RBFOX1: variants seen among roughly 807,000 people sequenced by gnomAD.
The protein encoded by RBFOX1 is RNA binding fox-1 homolog 1.
Under a neutral mutation model 57.7 loss-of-function variants are expected in RBFOX1, and 8 were observed. The observed-to-expected ratio is 0.14, with a 90% confidence interval of 0.08 to 0.25. The LOEUF (loss-of-function observed/expected upper bound fraction) is 0.25, where lower values mean the gene tolerates loss of function less well. Among genes scored for constraint, RBFOX1 ranks in the 10% least tolerant of loss-of-function variants. The pLI is 1.00. For missense variants in RBFOX1, 611 were observed against 548.5 expected (o/e 1.11, Z -1.14); for synonymous variants, 326 against 222.4 (o/e 1.47, Z -4.15).
rs1201696505 is a variant in RBFOX1 at position 5,829,882 on chromosome 16, G to A, written c.319-37421G>A. Reference sequence around the variant, plus strand: ...GAAACAAAAACAGGGGGGAAGAAAAGGCCTTTGGTTTTTTTTTCCCCTTAG... The same window carrying A: ...GAAACAAAAACAGGGGGGAAGAAAAAGCCTTTGGTTTTTTTTTCCCCTTAG... On this transcript the variant is annotated intron_variant, in intron 3 of 19. Coordinates refer to the RBFOX1 transcript ENST00000641259. 2.0e-5 allele frequency among the ~76,000 whole-genome samples: 3 copies of A among 152,140 alleles called. No individual in the cohort carries two copies. In the South Asian group the frequency reaches 6.2e-4, roughly 31 times the overall value.
intron 3 of RBFOX1, among the ~76,000 whole-genome samples, chr16:5,771,750 A>G (rs561102477): frequency 2.0e-4 from 30 of 152,188 alleles, no homozygotes; most frequent in Non-Finnish European, 3.8e-4. Context: ...AAAATGTCCA[A>G]TCTGAAATTT....
intron 3 of RBFOX1, among the ~76,000 whole-genome samples, chr16:6,842,183 TAAATAAA>T (rs2093508959): frequency 6.6e-6 from 1 of 151,478 alleles, no homozygotes; most frequent in Admixed American, 6.6e-5. Flanking sequence ...AATAAATAAA[TAAATAAA>T]TTGGAACTGA....
intron 3 of RBFOX1, among the ~76,000 whole-genome samples, chr16:5,705,545 C>A (rs1341837207): frequency 6.6e-6 from 1 of 152,190 alleles, no homozygotes; most frequent in Non-Finnish European, 1.5e-5. Flanking sequence ...ACGAGCGAAA[C>A]ATTGACATTA....
intron 1 of RBFOX1, among the ~76,000 whole-genome samples, chr16:6,257,256 C>A (rs2097673797): frequency 6.6e-6 from 1 of 151,988 alleles, no homozygotes; most frequent in Admixed American, 6.6e-5. Context: ...TATCCCGATG[C>A]TCTCCCTCCC....
chr16:6,157,048 C>T (rs1361470524), intron 1 of RBFOX1, among the ~76,000 whole-genome samples: 1 of 152,010 alleles, frequency 6.6e-6, no homozygotes, highest in Non-Finnish European at 1.5e-5. Flanking sequence ...GTTGCCTAGG[C>T]TGCTCTCTCA....
At chr16:7,690,475 C>G (rs1262162824) in intron 14 of RBFOX1, among the ~76,000 whole-genome samples, 3 of 152,062 alleles carry the variant, frequency 2.0e-5, no homozygotes, top group African/African-American at 7.2e-5. Flanking sequence ...CTCAGCCAGA[C>G]TTGTTTTATG....
chr16:6,280,082 C>T (rs1390915067), intron 1 of RBFOX1, among the ~76,000 whole-genome samples: 1 of 151,784 alleles, frequency 6.6e-6, no homozygotes, highest in Non-Finnish European at 1.5e-5. Flanking sequence ...CAGACTAATA[C>T]ATTTTGGGGG....
chr16:7,470,243 T>C (rs890964240), intron 4 of RBFOX1, among the ~76,000 whole-genome samples: 2 of 152,216 alleles, frequency 1.3e-5, no homozygotes, highest in Admixed American at 1.3e-4. Flanking sequence ...CTGATTTCTG[T>C]GTCTGCCTCT....
At chr16:6,995,523 G>A (rs1568281559) in intron 3 of RBFOX1, among the ~76,000 whole-genome samples, 1 of 152,104 alleles carries the variant, frequency 6.6e-6, no homozygotes, top group Non-Finnish European at 1.5e-5. Context: ...CCACTACTTT[G>A]GGAGGCCAAG....
chr16:6,016,142 G>T (rs1211880029), upstream of RBFOX1, among the ~76,000 whole-genome samples: 1 of 152,216 alleles, frequency 6.6e-6, no homozygotes, highest in Non-Finnish European at 1.5e-5. Flanking sequence ...AATCTTTGAT[G>T]TAAAGACCTT....
At position 7,711,870 on chromosome 16, in the gene RBFOX1, G is replaced by A. The variant is rs1316133724; in HGVS notation, c.*1125G>A. The stretch of plus-strand genomic sequence containing the variant: ...TAATCATGGTATTTTCATCAGCTTG[G>A]TACTTTTTGAAACGTGACTGCGTTG... On this transcript the variant is annotated 3_prime_UTR_variant, in exon 16 of 16. Transcript: ENST00000550418. 6.6e-6 allele frequency: 1 copy of A among 152,502 alleles called. No individual in the cohort carries two copies. Among genetic ancestry groups the A allele is most frequent in the African/African-American group, 2.4e-5 (1 of 41,418 alleles). 9.4% of individuals were successfully genotyped at this position (152,502 alleles called of 1,614,324 possible).
At chr16:5,846,712 G>A (rs919699025) in intron 3 of RBFOX1, among the ~76,000 whole-genome samples, 6 of 152,150 alleles carry the variant, frequency 3.9e-5, no homozygotes, top group African/African-American at 7.2e-5. Context: ...AGGGCTGAGC[G>A]CCATTGCTCA....
intron 4 of RBFOX1, among the ~76,000 whole-genome samples, chr16:6,011,266 A>G (rs1418816345): frequency 1.3e-5 from 2 of 152,202 alleles, no homozygotes; most frequent in African/African-American, 2.4e-5. Context: ...TTGCCTCTTG[A>G]TAAGTCTCAT....
At chr16:5,403,666 G>C (rs1039389767) in intron 1 of RBFOX1, among the ~76,000 whole-genome samples, 4 of 152,054 alleles carry the variant, frequency 2.6e-5, no homozygotes, top group African/African-American at 7.2e-5. Flanking sequence ...GGCTGGTCTC[G>C]AGTTCCTGAC....
chr16:5,678,052 A>G (rs1403060410), intron 3 of RBFOX1, among the ~76,000 whole-genome samples: 1 of 152,164 alleles, frequency 6.6e-6, no homozygotes, highest in Non-Finnish European at 1.5e-5. Context: ...TTAGGGATTC[A>G]CTATTGTGTT....
chr16:7,606,257 G>T (rs2095282396), intron 9 of RBFOX1, among the ~76,000 whole-genome samples: 1 of 151,888 alleles, frequency 6.6e-6, no homozygotes, highest in African/African-American at 2.4e-5. Flanking sequence ...AAGTAGCTGG[G>T]ATTACAGGTG....
chr16:5,596,099 A>G (rs569912849), intron 2 of RBFOX1, among the ~76,000 whole-genome samples: 4 of 152,204 alleles, frequency 2.6e-5, no homozygotes, highest in African/African-American at 9.6e-5. Flanking sequence ...GGATGTGGAG[A>G]GGGAAAGCCC....
chr16:6,426,154 G>T (rs1418266), intron 2 of RBFOX1, among the ~76,000 whole-genome samples: 6 of 150,568 alleles, frequency 4.0e-5, no homozygotes, highest in African/African-American at 1.5e-4. Flanking sequence ...CTCTCTTTCT[G>T]TCTTTCCCTC....
intron 2 of RBFOX1, among the ~76,000 whole-genome samples, chr16:6,623,764 G>C (rs1048010141): frequency 6.6e-6 from 1 of 152,140 alleles, no homozygotes; most frequent in Non-Finnish European, 1.5e-5. Context: ...TCCCTACAAA[G>C]GATATGAACT....
Sources: gnomAD v4.1 joint callset for allele counts (sites outside exome capture counted in the v4.1 genomes callset) on GRCh38, gnomAD v4.1.1 for gene constraint, MANE v1.5 for transcripts, NCBI Gene and HGNC (gene_info 2026-07-23, HGNC 2026-07-21) for gene names.